The following NALF1 variants were observed in gnomAD, a reference collection of about 807,000 sequenced individuals.
The protein encoded by NALF1 is NALCN channel auxiliary factor 1.
Under a neutral mutation model 48.4 loss-of-function variants are expected in NALF1, and 3 were observed. That is an observed-to-expected ratio of 0.06 (90% confidence interval 0.03 to 0.16). NALF1 has a LOEUF of 0.16. Ranked by LOEUF, NALF1 falls within the 10% of genes least tolerant of loss-of-function variation. The probability of loss-of-function intolerance (pLI) is 1.00; values close to 1 mark genes in which losing one functional copy is unlikely to be tolerated. For synonymous variants in NALF1, 262 were observed against 245.7 expected (o/e 1.07, Z -0.62); for missense variants, 526 against 571.5 (o/e 0.92, Z 0.81).
rs151132368 is a variant in NALF1 at position 107,500,030 on chromosome 13, A to C, written c.916-289275T>G. 3.4e-3 allele frequency among the ~76,000 whole-genome samples: 520 copies of C among 152,328 alleles called. 1 individual carries two copies. Among genetic ancestry groups the C allele is most frequent in the Admixed American group, 6.5e-3 (100 of 15,292 alleles). Reference sequence around the variant, plus strand: ...CAAAACAGATCACACACAGTTTATAAGTCAACTGAATCAATTATTATGTAT... The same window carrying C: ...CAAAACAGATCACACACAGTTTATACGTCAACTGAATCAATTATTATGTAT... On this transcript the variant is annotated intron_variant, in intron 1 of 2. Coordinates refer to ENST00000375915, the MANE Select transcript of NALF1 (RefSeq NM_001080396.3).
At chr13:107,406,644 A>G (rs1309964057) in intron 1 of NALF1, among the ~76,000 whole-genome samples, 2 of 152,030 alleles carry the variant, frequency 1.3e-5, no homozygotes, top group East Asian at 3.9e-4. Context: ...AGAGATTAAT[A>G]GAATGCCATT....
chr13:107,624,342 G>T (rs1011674280), intron 1 of NALF1, among the ~76,000 whole-genome samples: 2 of 152,066 alleles, frequency 1.3e-5, no homozygotes, highest in African/African-American at 4.8e-5. Context: ...AGAAACAAAT[G>T]AAAGAGCTCT....
intron 1 of NALF1, among the ~76,000 whole-genome samples, chr13:107,241,862 G>C (rs570259787): frequency 2.0e-5 from 3 of 152,256 alleles, no homozygotes; most frequent in African/African-American, 7.2e-5. Context: ...GTTAGCAGAG[G>C]GTTGGTGGAG....
chr13:107,235,628 A>G (rs1880326315), intron 1 of NALF1, among the ~76,000 whole-genome samples: 2 of 152,230 alleles, frequency 1.3e-5, no homozygotes, highest in Admixed American at 1.3e-4. Context: ...AAGTCCGTAC[A>G]TGTTCAGTAT....
chr13:107,441,099 C>T (rs1211166741), intron 1 of NALF1, among the ~76,000 whole-genome samples: 1 of 152,118 alleles, frequency 6.6e-6, no homozygotes, highest in African/African-American at 2.4e-5. Context: ...GTCATATTGG[C>T]CAAATCCCAG....
intron 1 of NALF1, among the ~76,000 whole-genome samples, chr13:107,225,535 C>T (rs1209424593): frequency 6.6e-6 from 1 of 151,898 alleles, no homozygotes; most frequent in African/African-American, 2.4e-5. Flanking sequence ...CATCAGCTTC[C>T]CAAAGTACTG....
intron 1 of NALF1, among the ~76,000 whole-genome samples, chr13:107,585,339 G>A (rs976290147): frequency 2.0e-5 from 3 of 150,828 alleles, no homozygotes; most frequent in East Asian, 3.9e-4. Context: ...AAAAATACTC[G>A]GTAAACCCAA....
At chr13:107,512,457 T>C (rs910665856) in intron 1 of NALF1, among the ~76,000 whole-genome samples, 1 of 152,166 alleles carries the variant, frequency 6.6e-6, no homozygotes, top group Non-Finnish European at 1.5e-5. Context: ...AAAGTCACAC[T>C]GAGGCAGGAC....
Position 107,866,355 on chromosome 13 carries a change from T to TGCTGCTGCC in NALF1, c.241_242insGGCAGCAGC (p.Gln80_Gln81insArgGlnGln). On this transcript the variant is annotated inframe_insertion, in exon 1 of 3. Coordinates refer to ENST00000375915, the MANE Select transcript of NALF1 (RefSeq NM_001080396.3). This position sits in a 1 kb window ranked among gnomAD's most constrained non-coding sequence, Gnocchi z 4.4. Reference sequence around the variant, plus strand: ...CCGCTGCCTCTGCTGCTGCTGCTGCTGCTGCTGCTGCCGCTGCTGCTGCTG... The same window carrying TGCTGCTGCC: ...CCGCTGCCTCTGCTGCTGCTGCTGCTGCTGCTGCCGCTGCTGCTGCCGCTGCTGCTGCTG... 1 of 1,610,824 alleles carries TGCTGCTGCC rather than the reference T, an allele frequency of 6.2e-7. No individual in the cohort carries two copies. The highest frequency in any genetic ancestry group is 2.2e-5 in the East Asian group (1 of 44,626).
At position 107,719,359 on chromosome 13, in the gene NALF1, T is replaced by C. The variant is rs1040503262; in HGVS notation, c.915+146323A>G. ...TCCTGTTTGCCCACTGCTTCCATCA[T>C]TGCCCCCATGTAATCTCTCTAAAGT... On this transcript the variant is annotated intron_variant, in intron 1 of 2. Coordinates refer to ENST00000375915, the MANE Select transcript of NALF1 (RefSeq NM_001080396.3). Among the ~76,000 whole-genome samples the C allele has an allele frequency of 2.6e-5, 4 of 152,164 alleles. No individual in the cohort carries two copies. In the South Asian group the frequency reaches 6.2e-4, roughly 24 times the overall value.
At chr13:107,567,733 T>A (rs896537976) in intron 1 of NALF1, among the ~76,000 whole-genome samples, 2 of 152,180 alleles carry the variant, frequency 1.3e-5, no homozygotes, top group African/African-American at 4.8e-5. Flanking sequence ...AAATACTCTA[T>A]CTAGCATTAA....
chr13:107,356,074 G>A (rs1882958636), intron 1 of NALF1, among the ~76,000 whole-genome samples: 1 of 152,070 alleles, frequency 6.6e-6, no homozygotes, highest in African/African-American at 2.4e-5. Flanking sequence ...GGGGCCCTGG[G>A]TACCCACTCC....
intron 1 of NALF1, among the ~76,000 whole-genome samples, chr13:107,783,873 T>TAA (rs66692507): frequency 4.7e-4 from 63 of 133,102 alleles, no homozygotes; most frequent in Admixed American, 2.3e-3. Context: ...AAATAAAAAT[T>TAA]AAAAAAAAAA....
At chr13:107,757,780 A>G (rs1414659499) in intron 1 of NALF1, among the ~76,000 whole-genome samples, 2 of 152,174 alleles carry the variant, frequency 1.3e-5, no homozygotes, top group Non-Finnish European at 2.9e-5. Context: ...TAAAGCATCT[A>G]TCAAATGAAT....
intron 1 of NALF1, among the ~76,000 whole-genome samples, chr13:107,224,050 TATTG>T (rs1401332309): frequency 5.3e-5 from 8 of 152,194 alleles, no homozygotes; most frequent in Non-Finnish European, 1.0e-4. Flanking sequence ...ATCAGTTGAT[TATTG>T]ATTAATGAAT....
intron 1 of NALF1, among the ~76,000 whole-genome samples, chr13:107,474,633 TTG>T (rs1885151324): frequency 6.6e-6 from 1 of 152,202 alleles, no homozygotes; most frequent in African/African-American, 2.4e-5. Context: ...TAGGTGTTTA[TTG>T]TGTTATTCAA....
intron 1 of NALF1, among the ~76,000 whole-genome samples, chr13:107,619,276 G>A (rs1334171123): frequency 3.3e-5 from 5 of 151,626 alleles, no homozygotes; most frequent in African/African-American, 1.2e-4. Context: ...CCTCTTTTCC[G>A]CACCCTGTTA....
At chr13:107,399,123 T>C (rs1479354868) in intron 1 of NALF1, among the ~76,000 whole-genome samples, 2 of 152,150 alleles carry the variant, frequency 1.3e-5, no homozygotes, top group Non-Finnish European at 2.9e-5. Context: ...AGCTGCAGAC[T>C]CGGGGAGATG....
chr13:107,596,740 G>A (rs915947015), intron 1 of NALF1, among the ~76,000 whole-genome samples: 11 of 152,116 alleles, frequency 7.2e-5, no homozygotes, highest in African/African-American at 2.7e-4. Flanking sequence ...GGGTTGATGG[G>A]TGCAGCACAC....
Sources: allele counts gnomAD v4.1 joint callset (sites outside exome capture counted in the v4.1 genomes callset), GRCh38; gene constraint gnomAD v4.1.1; non-coding constraint Gnocchi (gnomAD v3.1); transcripts MANE v1.5; gene names NCBI Gene and HGNC (gene_info 2026-07-23, HGNC 2026-07-21).